The following ORMDL1 variants were observed in gnomAD, a reference collection of about 807,000 sequenced individuals.
ORMDL1 encodes the protein ORMDL sphingolipid biosynthesis regulator 1.
ORMDL1 carries 10 observed loss-of-function variants against 13.0 expected under a neutral mutation model. That is an observed-to-expected ratio of 0.77 (90% CI 0.47 to 1.30). ORMDL1 has a LOEUF of 1.30. Among genes scored for constraint, ORMDL1 ranks in the 50% most tolerant of loss-of-function variants. ORMDL1 has a pLI of 0.00. For synonymous variants in ORMDL1, 61 were observed against 63.9 expected (o/e 0.95, Z 0.22); for missense variants, 171 against 186.7 (o/e 0.92, Z 0.49).
At position 189,771,932 on chromosome 2, in the gene ORMDL1, A is replaced by G. The variant is rs535878468; in HGVS notation, c.327-30T>C. The G allele has an allele frequency of 4.8e-6, 7 of 1,457,340 alleles. No individual in the cohort carries two copies. In the Admixed American group the frequency reaches 1.4e-4, roughly 30 times the overall value. The allele number at this position is 1,457,340 out of a possible 1,614,324, so 90.3% of individuals were successfully genotyped here. A position where few individuals can be genotyped will look rare whatever the true frequency, so the allele number is the denominator to read the frequency against. The stretch of plus-strand genomic sequence containing the variant: ...AGAGATAAAAGTTAAGAATATATAT[A>G]ACATCCAAAAATAAAATTACTTGGA... On this transcript the variant is annotated intron_variant, in intron 4 of 4. Coordinates refer to ENST00000392349, the MANE Select transcript of ORMDL1 (RefSeq NM_016467.5).
downstream of ORMDL1, among the ~76,000 whole-genome samples, chr2:189,768,191 C>A (rs2047514113): frequency 6.6e-6 from 1 of 152,126 alleles, no homozygotes; most frequent in South Asian, 2.1e-4. Flanking sequence ...CTTCCCCTTC[C>A]CTGCGCTGCA....
intron 3 of ORMDL1, 131 bp downstream of exon 3, chr2:189,782,291 C>T (rs911263030): frequency 7.2e-6 from 5 of 693,470 alleles, no homozygotes; most frequent in East Asian, 5.5e-5. Context: ...ACATCCAGAA[C>T]TCTCTTCATC....
chr2:189,772,653 C>T (rs1011186626), intron 4 of ORMDL1, among the ~76,000 whole-genome samples: 6 of 152,152 alleles, frequency 3.9e-5, no homozygotes, highest in Non-Finnish European at 5.9e-5. Context: ...TGATTACTAA[C>T]AGAATAATAC....
At chr2:189,774,574 G>C (rs75523717) in intron 4 of ORMDL1, among the ~76,000 whole-genome samples, 1,581 of 152,232 alleles carry the variant, frequency 0.01, 36 homozygotes, top group African/African-American at 0.036. Context: ...ATTATGTATA[G>C]GCTAGATGGT....
intron 3 of ORMDL1, among the ~76,000 whole-genome samples, chr2:189,781,799 ACACT>A (rs2047842072): frequency 6.6e-6 from 1 of 152,190 alleles, no homozygotes; most frequent in African/African-American, 2.4e-5. Context: ...ACTAAACTAT[ACACT>A]TTAAATGGGT....
At chr2:189,770,082 A>G (rs553010362), downstream of ORMDL1, among the ~76,000 whole-genome samples, 4 of 152,330 alleles carry the variant, frequency 2.6e-5, no homozygotes, top group Admixed American at 2.0e-4. Flanking sequence ...GGCCCTTCAA[A>G]TATCTACTGA....
chr2:189,784,154 C>G (rs577428807), intron 1 of ORMDL1, 115 bp downstream of exon 1: 1 of 152,548 alleles, frequency 6.6e-6, no homozygotes, highest in Non-Finnish European at 1.5e-5. Context: ...CCACGCAGGG[C>G]GCCGCAGATG....
Position 189,782,550 on chromosome 2 carries a change from C to T in ORMDL1, c.46G>A (p.Val16Ile). Reference protein sequence around the residue: ...AHSEVNPNTRVMNSRGMWLTY... With the variant: ...AHSEVNPNTRIMNSRGMWLTY... ...AGCCACATACCCCGGCTGTTCATGA[C>T]ACGGGTATTTGGATTCACTTCACTG... The change falls in exon 3 of 5, where the codon GTC (valine) becomes ATC (isoleucine). Residue 16 changes from valine (V) to isoleucine (I), a missense_variant. By Grantham distance (29) the Val-to-Ile change is conservative (BLOSUM62 3). Coordinates refer to ENST00000392349, the MANE Select transcript of ORMDL1 (RefSeq NM_016467.5). 6.2e-7 allele frequency: 1 copy of T among 1,614,176 alleles called. No individual in the cohort carries two copies. Among genetic ancestry groups the T allele is most frequent in the Non-Finnish European group, 8.5e-7 (1 of 1,180,016 alleles).
Position 189,782,514 on chromosome 2 carries a change from A to G in ORMDL1, c.82T>C (p.Leu28=), listed in dbSNP as rs145086849. The G allele has an allele frequency of 1.5e-4, 243 of 1,614,060 alleles. No homozygotes were observed. The highest frequency in any genetic ancestry group is 2.0e-4 in the Non-Finnish European group (232 of 1,180,022). The change falls in exon 3 of 5, where the codon TTG becomes CTG. Residue 28 remains leucine (L), a synonymous_variant. Coordinates refer to ENST00000392349, the MANE Select transcript of ORMDL1 (RefSeq NM_016467.5). Reference sequence around the variant, plus strand: ...ACAATATGAAGCAAGCCAACTCCCAATGCATATGTCAGCCACATACCCCGG... The same window carrying G: ...ACAATATGAAGCAAGCCAACTCCCAGTGCATATGTCAGCCACATACCCCGG... ...NSRGMWLTYA[L]GVGLLHIVLL...
chr2:189,765,014 G>A, the ORMDL1 span: 1 of 152,032 alleles, frequency 6.6e-6, no homozygotes, highest in Admixed American at 6.6e-5. Context: ...TGTATTTTTA[G>A]TAGAGATGAC....
At position 189,775,615 on chromosome 2, in the gene ORMDL1, T is replaced by A. The variant is rs545832636; in HGVS notation, c.276A>T (p.Gly92=). Residue 92 remains glycine, a synonymous_variant, in exon 4 of 5, where the codon GGA becomes GGT. Transcript: ENST00000392349. The part of the protein sequence containing the change: ...LLTHWEQLDY[G]VQFTSSRKFF... ...ACTTCCGTGAAGATGTAAACTGTAC[T>A]CCATAGTCCAGTTGTTCCCAATGAG... 8 of 1,613,446 alleles carry A rather than the reference T, an allele frequency of 5.0e-6. No homozygotes were observed. The African/African-American group carries it at 6.7e-5, about 13-fold the overall frequency.
chr2:189,780,713 A>C (rs2047804764), intron 3 of ORMDL1, among the ~76,000 whole-genome samples: 2 of 152,200 alleles, frequency 1.3e-5, no homozygotes, highest in South Asian at 4.1e-4. Flanking sequence ...ATCCTATAGA[A>C]GCCAAAGGAA....
intron 2 of ORMDL1, 74 bp from the exon 3 acceptor site, chr2:189,782,676 G>T: frequency 7.2e-7 from 1 of 1,379,720 alleles, no homozygotes; most frequent in Non-Finnish European, 1.0e-6. Flanking sequence ...ACATGACAAG[G>T]TACCTGTGTT....
In ORMDL1 at chr2:189,771,008, AAATT is replaced by A. The variant is rs1305919353; in HGVS notation, c.*755_*758del. ...CATATATTTTTTAGTTGCTTGAAAGAAATTAATTATTTTCTTAATTGGTTTAGCA... is the reference window on the plus strand; with the variant it reads ...CATATATTTTTTAGTTGCTTGAAAGAAATTATTTTCTTAATTGGTTTAGCA... On this transcript the variant is annotated 3_prime_UTR_variant, in exon 5 of 5. Transcript: ENST00000392349. The A allele has an allele frequency of 6.6e-6, 1 of 152,240 alleles. No individual in the cohort carries two copies. The highest frequency in any genetic ancestry group is 1.9e-4 in the East Asian group (1 of 5,202). 9.4% of individuals were successfully genotyped at this position (152,240 alleles called of 1,614,324 possible).
chr2:189,767,544 C>A (rs553762862), downstream of ORMDL1, among the ~76,000 whole-genome samples: 5 of 152,262 alleles, frequency 3.3e-5, no homozygotes, highest in East Asian at 9.6e-4. Context: ...AAAATTTATA[C>A]ACTGTAAAAT....
At chr2:189,767,514 A>G (rs1253121162), downstream of ORMDL1, among the ~76,000 whole-genome samples, 4 of 152,254 alleles carry the variant, frequency 2.6e-5, no homozygotes, top group East Asian at 7.7e-4. Flanking sequence ...AAAATTTATA[A>G]TTGCTAATTG....
chr2:189,782,771 G>A (rs1436030613), intron 2 of ORMDL1, 169 bp from the exon 3 acceptor site: 1 of 538,390 alleles, frequency 1.9e-6, no homozygotes, highest in South Asian at 2.8e-5. Flanking sequence ...GATGACAGCA[G>A]TAAAGAATCT....
In ORMDL1 at chr2:189,770,489, C is replaced by T. The variant is rs1482054329; in HGVS notation, c.*1278G>A. On this transcript the variant is annotated 3_prime_UTR_variant, in exon 5 of 5. Coordinates refer to ENST00000392349, the MANE Select transcript of ORMDL1 (RefSeq NM_016467.5). ...TTACCCCCAAAAGTCAGTTTACTGA[C>T]ACGAATTGATGTTTAAGTTGGTCTG... 4.6e-5 allele frequency: 7 copies of T among 152,188 alleles called. No individual in the cohort carries two copies. Among genetic ancestry groups the T allele is most frequent in the Non-Finnish European group, 7.3e-5 (5 of 68,028 alleles). 9.4% of individuals were successfully genotyped at this position (152,188 alleles called of 1,614,324 possible).
chr2:189,764,380 G>C, the ORMDL1 span: 1 of 152,212 alleles, frequency 6.6e-6, no homozygotes. Context: ...CCTATTGTGT[G>C]TGCTATCATT....
Sources: allele counts gnomAD v4.1 joint callset (sites outside exome capture counted in the v4.1 genomes callset), GRCh38; gene constraint gnomAD v4.1.1; transcripts MANE v1.5; gene names NCBI Gene and HGNC (gene_info 2026-07-23, HGNC 2026-07-21).